Variants in JARID2 observed in about 807,000 individuals in gnomAD.
JARID2 encodes the protein jumonji and AT-rich interaction domain containing 2.
JARID2 carries 21 observed loss-of-function variants against 125.6 expected under a neutral mutation model. The observed-to-expected ratio is 0.17, with a 90% CI of 0.12 to 0.24. The LOEUF is 0.24. JARID2 is among the 10% of genes least tolerant of loss of function. The probability of loss-of-function intolerance (pLI) is 1.00; values close to 1 mark genes in which losing one functional copy is unlikely to be tolerated. For missense variants in JARID2, 1,303 were observed against 1,639.6 expected, an observed-to-expected ratio of 0.79 and a Z score of 3.55; for synonymous variants, 736 against 661.6, an observed-to-expected ratio of 1.11 and a Z score of -1.73.
In JARID2 at chr6:15,521,698, G is replaced by A. The variant is rs1243521188; in HGVS notation, c.*1447G>A. On this transcript the variant is annotated 3_prime_UTR_variant, in exon 18 of 18. Transcript: ENST00000341776. Reference sequence around the variant, plus strand: ...TAGCTACCCATATTGCACTGAGCTTGCCAGTGGTGACTGCCAGGAACGTCC... The same window carrying A: ...TAGCTACCCATATTGCACTGAGCTTACCAGTGGTGACTGCCAGGAACGTCC... 1 of 152,200 alleles carries A rather than the reference G, an allele frequency of 6.6e-6. No homozygotes were observed. Among genetic ancestry groups the A allele is most frequent in the African/African-American group, 2.4e-5 (1 of 41,452 alleles). The allele number at this position is 152,200 out of a possible 1,614,324, so 9.4% of individuals were successfully genotyped here.
chr6:15,473,551 C>T (rs1030423889), intron 5 of JARID2, among the ~76,000 whole-genome samples: 5 of 142,136 alleles, frequency 3.5e-5, no homozygotes, highest in Non-Finnish European at 7.7e-5. Context: ...CTGCCACCCA[C>T]CTCACACCCA....
intron 5 of JARID2, among the ~76,000 whole-genome samples, chr6:15,476,371 C>A (rs1361773088): frequency 2.0e-5 from 3 of 152,160 alleles, no homozygotes; most frequent in Admixed American, 6.6e-5. Context: ...GCAGAGGTGG[C>A]AGGAGAGGAC....
At chr6:15,369,943 C>A (rs944994983) in intron 1 of JARID2, among the ~76,000 whole-genome samples, 3 of 152,088 alleles carry the variant, frequency 2.0e-5, no homozygotes, top group Non-Finnish European at 4.4e-5. Context: ...CCTAGGACAC[C>A]AGCCTCTGCT....
chr6:15,296,557 A>G (rs1181029072), intron 1 of JARID2, among the ~76,000 whole-genome samples: 1 of 152,142 alleles, frequency 6.6e-6, no homozygotes, highest in African/African-American at 2.4e-5. Context: ...TCCCCGCAAC[A>G]CATAGTTTTT....
At chr6:15,296,513 A>G (rs1761421308) in intron 1 of JARID2, among the ~76,000 whole-genome samples, 1 of 152,204 alleles carries the variant, frequency 6.6e-6, no homozygotes, top group South Asian at 2.1e-4. Context: ...TTTGTGTGAC[A>G]GTATTCTCTC....
chr6:15,317,085 G>C (rs1762203275), intron 1 of JARID2, among the ~76,000 whole-genome samples: 1 of 152,160 alleles, frequency 6.6e-6, no homozygotes, highest in Non-Finnish European at 1.5e-5. Flanking sequence ...TGTCCCATCA[G>C]TTATTTATAA....
chr6:15,489,293 C>T (rs1455800759), intron 6 of JARID2, among the ~76,000 whole-genome samples: 1 of 152,160 alleles, frequency 6.6e-6, no homozygotes, highest in Non-Finnish European at 1.5e-5. Context: ...AGGCCATATC[C>T]AGGTGAGCTT....
At chr6:15,327,265 AGACG>A (rs1448324101) in intron 1 of JARID2, among the ~76,000 whole-genome samples, 1 of 152,090 alleles carries the variant, frequency 6.6e-6, no homozygotes, top group Non-Finnish European at 1.5e-5. Flanking sequence ...CTTTTTTAAG[AGACG>A]GTCTTGCCCT....
At chr6:15,401,885 T>C (rs1765449541) in intron 2 of JARID2, among the ~76,000 whole-genome samples, 1 of 146,452 alleles carries the variant, frequency 6.8e-6, no homozygotes, top group South Asian at 2.2e-4. Context: ...TCTGAAGTTA[T>C]TTGTTGTCAG....
At chr6:15,344,071 ATGATAATC>A (rs1004619484) in intron 1 of JARID2, among the ~76,000 whole-genome samples, 1 of 147,814 alleles carries the variant, frequency 6.8e-6, no homozygotes, top group African/African-American at 2.5e-5. Flanking sequence ...AAGGAAGTAC[ATGATAATC>A]TGTTTTACTT....
chr6:15,299,218 A>G (rs1761518986), intron 1 of JARID2, among the ~76,000 whole-genome samples: 1 of 152,176 alleles, frequency 6.6e-6, no homozygotes, highest in Admixed American at 6.5e-5. Flanking sequence ...AGAAGGACCA[A>G]AGTCTTGTAA....
chr6:15,246,286 C>T lies in JARID2; in HGVS notation c.-254C>T. 1.8e-6 allele frequency: 1 copy of T among 546,806 alleles called. No individual in the cohort carries two copies. The highest frequency in any genetic ancestry group is 2.4e-5 in the South Asian group (1 of 41,064). 33.9% of individuals were successfully genotyped at this position (546,806 alleles called of 1,614,324 possible). ...TGTATGTGTTTCGGGGGAAATTTTCCATTATGAGTGTTTTACTAAAGTGAA... is the reference window on the plus strand; with the variant it reads ...TGTATGTGTTTCGGGGGAAATTTTCTATTATGAGTGTTTTACTAAAGTGAA... On this transcript the variant is annotated 5_prime_UTR_variant, in exon 1 of 18. Coordinates refer to ENST00000341776, the MANE Select transcript of JARID2 (RefSeq NM_004973.4).
At chr6:15,275,563 G>C (rs1760473625) in intron 1 of JARID2, among the ~76,000 whole-genome samples, 1 of 107,528 alleles carries the variant, frequency 9.3e-6, no homozygotes, top group African/African-American at 3.9e-5. Flanking sequence ...CCTCTTCAAT[G>C]ACCAGGTTTT....
At position 15,246,262 on chromosome 6, in the gene JARID2, G is replaced by GTA. The variant is rs1759181195; in HGVS notation, c.-276_-275dup. 1.8e-6 allele frequency: 1 copy of GTA among 547,728 alleles called. No homozygotes were observed. The highest frequency in any genetic ancestry group is 3.2e-6 in the Non-Finnish European group (1 of 313,134). The allele number at this position is 547,728 out of a possible 1,614,324, so 33.9% of individuals were successfully genotyped here. On this transcript the variant is annotated 5_prime_UTR_variant, in exon 1 of 18. The change creates a new upstream start codon in the 5' untranslated region. Transcript: ENST00000341776. ...CGTCGGTTTTTTTTTGTGTGTGTGT[G>GTA]TATGTGTTTCGGGGGAAATTTTCCA...
At chr6:15,350,187 T>C (rs1763376149) in intron 1 of JARID2, among the ~76,000 whole-genome samples, 1 of 152,158 alleles carries the variant, frequency 6.6e-6, no homozygotes, top group African/African-American at 2.4e-5. Context: ...CATACATCAG[T>C]AACGTCACAG....
chr6:15,314,393 T>C (rs2127431612), intron 1 of JARID2, among the ~76,000 whole-genome samples: 1 of 152,312 alleles, frequency 6.6e-6, no homozygotes, highest in South Asian at 2.1e-4. Context: ...TGCTTATAAA[T>C]TTACCCCAAG....
intron 1 of JARID2, among the ~76,000 whole-genome samples, chr6:15,358,242 A>G (rs189399481): frequency 1.8e-3 from 276 of 152,314 alleles, no homozygotes; most frequent in African/African-American, 5.0e-3. Flanking sequence ...AAGCGTTTCT[A>G]TCATCAACTT....
At chr6:15,465,075 G>T (rs1385430385) in intron 4 of JARID2, among the ~76,000 whole-genome samples, 1 of 152,040 alleles carries the variant, frequency 6.6e-6, no homozygotes, top group Non-Finnish European at 1.5e-5. Flanking sequence ...CACCCAGCAG[G>T]TCACATCACA....
chr6:15,391,378 G>T (rs565204593), intron 2 of JARID2, among the ~76,000 whole-genome samples: 2 of 152,276 alleles, frequency 1.3e-5, no homozygotes, highest in South Asian at 4.1e-4. Context: ...TCTCTGAGGA[G>T]CCCTAGCAGA....
Sources: allele counts gnomAD v4.1 joint callset (sites outside exome capture counted in the v4.1 genomes callset), GRCh38; gene constraint gnomAD v4.1.1; transcripts MANE v1.5; gene names NCBI Gene and HGNC (gene_info 2026-07-23, HGNC 2026-07-21).